CCDC13: variants seen among roughly 807,000 people sequenced by gnomAD.
The protein encoded by CCDC13 is coiled-coil domain-containing protein 13.
CCDC13 carries 70 observed loss-of-function variants against 87.3 expected under a neutral mutation model. The ratio of observed to expected loss-of-function variants is 0.80; its 90% CI spans 0.66 to 0.98. CCDC13 has a LOEUF of 0.98. Ranked by LOEUF, CCDC13 falls within the 50% of genes least tolerant of loss-of-function variation. The pLI, the probability that CCDC13 is intolerant of heterozygous loss-of-function variation, is 0.00. For synonymous variants in CCDC13, 317 were observed against 360.3 expected, an observed-to-expected ratio of 0.88 and a Z score of 1.36; for missense variants, 842 against 892.0, an observed-to-expected ratio of 0.94 and a Z score of 0.71.
chr3:42,753,958 G>C (rs1035169604), intron 3 of CCDC13, among the ~76,000 whole-genome samples: 1 of 152,140 alleles, frequency 6.6e-6, no homozygotes, highest in Admixed American at 6.5e-5. Flanking sequence ...CAGGCACCGG[G>C]AGCTAGTCCA....
At position 42,707,369 on chromosome 3, in the gene CCDC13, C is replaced by A. The variant is rs1559632492; in HGVS notation, c.*1611G>T. Among the ~76,000 whole-genome samples the A allele has an allele frequency of 6.6e-6, 1 of 152,204 alleles. No homozygotes were observed. The highest frequency in any genetic ancestry group is 6.5e-5 in the Admixed American group (1 of 15,282). Reference sequence around the variant, plus strand: ...GAGACCCTTAGGACCCCACCAGAATCATCAGTTCATCCCGGTGGCCTTTGC... The same window carrying A: ...GAGACCCTTAGGACCCCACCAGAATAATCAGTTCATCCCGGTGGCCTTTGC... On this transcript the variant is annotated 3_prime_UTR_variant, in exon 16 of 16. Coordinates refer to ENST00000310232, the MANE Select transcript of CCDC13 (RefSeq NM_144719.4).
intron 13 of CCDC13, 106 bp from the exon 14 acceptor site, chr3:42,713,422 T>G: frequency 9.8e-7 from 1 of 1,021,772 alleles, no homozygotes; most frequent in South Asian, 1.6e-5. Flanking sequence ...ACATTGGTAG[T>G]GATGGGACCT....
chr3:42,746,436 G>A (rs1003131524), intron 6 of CCDC13: 4 of 174,402 alleles, frequency 2.3e-5, no homozygotes, highest in Non-Finnish European at 5.0e-5. Context: ...GAAAACCCAC[G>A]GACAAGTGGA....
At chr3:42,730,145 C>G (rs1056938443) in intron 13 of CCDC13, among the ~76,000 whole-genome samples, 21 of 152,194 alleles carry the variant, frequency 1.4e-4, no homozygotes, top group African/African-American at 4.8e-5. Flanking sequence ...CAGTGCCAGG[C>G]TCATCACAGA....
intron 10 of CCDC13, 63 bp from the exon 11 acceptor site, chr3:42,733,672 A>G: frequency 6.5e-7 from 1 of 1,526,812 alleles, no homozygotes. Flanking sequence ...AGAAGGCAGG[A>G]GGGGATCTTG....
chr3:42,752,314 C>A (rs1699604835), intron 4 of CCDC13, among the ~76,000 whole-genome samples: 2 of 152,114 alleles, frequency 1.3e-5, no homozygotes, highest in Non-Finnish European at 2.9e-5. Context: ...GAAGTTCCAA[C>A]AATAGTCTAG....
intron 5 of CCDC13, among the ~76,000 whole-genome samples, chr3:42,748,468 G>A (rs955930820): frequency 2.6e-5 from 4 of 152,256 alleles, no homozygotes; most frequent in Non-Finnish European, 5.9e-5. Flanking sequence ...ACAGGGCAAA[G>A]CAGCTGAACT....
chr3:42,753,540 A>G (rs1699635661), intron 3 of CCDC13, among the ~76,000 whole-genome samples: 1 of 152,254 alleles, frequency 6.6e-6, no homozygotes, highest in African/African-American at 2.4e-5. Context: ...GGGAAGACAG[A>G]TAATTTAAAA....
intron 1 of CCDC13, among the ~76,000 whole-genome samples, chr3:42,762,826 G>A (rs1016422240): frequency 7.9e-5 from 12 of 152,164 alleles, no homozygotes; most frequent in Admixed American, 1.3e-4. Context: ...GCTCACACCT[G>A]TAATCCCAGC....
At chr3:42,713,429 A>G (rs2125869216) in intron 13 of CCDC13, 113 bp from the exon 14 acceptor site, 9 of 988,054 alleles carry the variant, frequency 9.1e-6, no homozygotes, top group Non-Finnish European at 1.3e-5. Context: ...TAGTGATGGG[A>G]CCTCTTCATT....
intron 10 of CCDC13, 154 bp from the exon 11 acceptor site, chr3:42,733,763 T>C (rs1698907492): frequency 2.4e-6 from 1 of 422,046 alleles, no homozygotes; most frequent in African/African-American, 2.2e-5. Flanking sequence ...GTGAAGGCAC[T>C]ACTTGCATGA....
At chr3:42,768,417 C>T (rs1400163097) in intron 1 of CCDC13, among the ~76,000 whole-genome samples, 2 of 152,302 alleles carry the variant, frequency 1.3e-5, no homozygotes, top group Middle Eastern at 3.4e-3. Flanking sequence ...TGAAAAGAGG[C>T]CGGGAATGGT....
At chr3:42,752,236 A>G (rs564112341) in intron 4 of CCDC13, among the ~76,000 whole-genome samples, 61 of 152,318 alleles carry the variant, frequency 4.0e-4, no homozygotes, top group African/African-American at 1.4e-3. Flanking sequence ...TAATCGTACT[A>G]TAAAAGTAGC....
At chr3:42,759,473 G>A (rs1245023539) in intron 1 of CCDC13, among the ~76,000 whole-genome samples, 2 of 152,082 alleles carry the variant, frequency 1.3e-5, no homozygotes, top group Non-Finnish European at 2.9e-5. Context: ...CCAATCCCAG[G>A]CAAACTCTGG....
intron 2 of CCDC13, among the ~76,000 whole-genome samples, 168 bp from the exon 3 acceptor site, chr3:42,757,382 T>C (rs1699727759): frequency 6.6e-6 from 1 of 152,164 alleles, no homozygotes; most frequent in Non-Finnish European, 1.5e-5. Flanking sequence ...TAGGGAGTTA[T>C]AAAAAAACCC....
At chr3:42,757,308 G>C in intron 2 of CCDC13, 94 bp from the exon 3 acceptor site, 1 of 1,187,860 alleles carries the variant, frequency 8.4e-7, no homozygotes, top group Non-Finnish European at 1.2e-6. Flanking sequence ...AGATGGACAC[G>C]CAGATGCAGA....
chr3:42,731,126 G>A (rs1025255147), intron 12 of CCDC13, among the ~76,000 whole-genome samples: 3 of 152,184 alleles, frequency 2.0e-5, no homozygotes, highest in African/African-American at 7.2e-5. Flanking sequence ...CCTGCTGGCT[G>A]GAGCCAGGAC....
intron 5 of CCDC13, among the ~76,000 whole-genome samples, chr3:42,750,303 C>T (rs1465798116): frequency 6.6e-6 from 1 of 152,200 alleles, no homozygotes; most frequent in African/African-American, 2.4e-5. Context: ...TCCTCCGTCC[C>T]ACCTTCCAGC....
intron 3 of CCDC13, among the ~76,000 whole-genome samples, chr3:42,753,776 G>A (rs1413025815): frequency 1.3e-5 from 2 of 152,168 alleles, no homozygotes; most frequent in African/African-American, 4.8e-5. Flanking sequence ...CTAAGCAGAG[G>A]AAATGGCAAG....
Sources: allele counts gnomAD v4.1 joint callset (sites outside exome capture counted in the v4.1 genomes callset), GRCh38; gene constraint gnomAD v4.1.1; transcripts MANE v1.5; gene names NCBI Gene and HGNC (gene_info 2026-07-23, HGNC 2026-07-21).